The following PCDH15 variants were observed in gnomAD, a reference collection of about 807,000 sequenced individuals.
PCDH15 encodes the protein protocadherin related 15.
PCDH15 carries 129 observed loss-of-function variants against 178.5 expected under a neutral mutation model. The observed-to-expected ratio is 0.72, with a 90% CI of 0.63 to 0.84. The LOEUF (loss-of-function observed/expected upper bound fraction) is 0.84. PCDH15 is among the 40% of genes least tolerant of loss of function. PCDH15 has a pLI of 0.00. For synonymous variants in PCDH15, 800 were observed against 732.0 expected, an observed-to-expected ratio of 1.09 and a Z score of -1.50; for missense variants, 2,230 against 2,099.9, an observed-to-expected ratio of 1.06 and a Z score of -1.21.
At chr10:55,508,467 A>G (rs999059686) in intron 2 of PCDH15, among the ~76,000 whole-genome samples, 1 of 151,840 alleles carries the variant, frequency 6.6e-6, no homozygotes, top group Non-Finnish European at 1.5e-5. Context: ...CAGAGAAGAT[A>G]TTTCTAAATG....
At chr10:55,176,267 C>T (rs1281395238) in intron 1 of PCDH15, among the ~76,000 whole-genome samples, 1 of 152,082 alleles carries the variant, frequency 6.6e-6, no homozygotes, top group African/African-American at 2.4e-5. Context: ...TTGGGAAAAC[C>T]TCTTGTTTAC....
At chr10:55,340,034 C>A (rs1234379773) in intron 2 of PCDH15, among the ~76,000 whole-genome samples, 2 of 151,300 alleles carry the variant, frequency 1.3e-5, no homozygotes, top group Admixed American at 6.6e-5. Flanking sequence ...ACAAAAGTAA[C>A]TCTCATTAAT....
In PCDH15 at chr10:53,963,658, A is replaced by C. The variant is rs189179483; in HGVS notation, c.2869-1766T>G. Among the ~76,000 whole-genome samples, 7 of 152,158 alleles carry C rather than the reference A, an allele frequency of 4.6e-5. No homozygotes were observed. The East Asian group carries it at 1.4e-3, about 29-fold the overall frequency. ...CAAAACCAGAATGATTTCATCTCCC[A>C]AATTTATAACTCTTCTACTATAGAT... On this transcript the variant is annotated intron_variant, in intron 21 of 37. Transcript: ENST00000644397.
At chr10:54,774,825 C>A (rs1481414220) in intron 1 of PCDH15, among the ~76,000 whole-genome samples, 1 of 152,048 alleles carries the variant, frequency 6.6e-6, no homozygotes, top group Non-Finnish European at 1.5e-5. Flanking sequence ...ACTTTCAGTA[C>A]CTGACATTTA....
At chr10:54,056,857 A>G (rs2135699508) in intron 18 of PCDH15, among the ~76,000 whole-genome samples, 1 of 152,272 alleles carries the variant, frequency 6.6e-6, no homozygotes, top group Middle Eastern at 3.4e-3. Context: ...TCCTAGATAC[A>G]CTGGGGATAC....
At chr10:54,137,177 A>T (rs2042980205) in intron 14 of PCDH15, among the ~76,000 whole-genome samples, 3 of 152,056 alleles carry the variant, frequency 2.0e-5, no homozygotes, top group Non-Finnish European at 2.9e-5. Context: ...CAGTCACTAT[A>T]TAAATAACAC....
At chr10:54,808,832 G>A (rs2071392455) in intron 3 of PCDH15, among the ~76,000 whole-genome samples, 1 of 152,038 alleles carries the variant, frequency 6.6e-6, no homozygotes, top group South Asian at 2.1e-4. Flanking sequence ...ATGGAAACAG[G>A]TAGAAATATA....
rs186091680 is a variant in PCDH15, at chr10:54,381,679, A to T, written c.158-2737T>A. ...TGGTAACGAGACATATTTAATTATA[A>T]TAAAGGGATCAACAGGAATAATCCT... On this transcript the variant is annotated intron_variant, in intron 3 of 37. Coordinates refer to ENST00000644397, the MANE Select transcript of PCDH15 (RefSeq NM_001384140.1). Among the ~76,000 whole-genome samples the T allele has an allele frequency of 1.1e-3, 174 of 152,230 alleles. 1 individual carries two copies. Among genetic ancestry groups the T allele is most frequent in the African/African-American group, 2.0e-3 (82 of 41,556 alleles).
intron 1 of PCDH15, among the ~76,000 whole-genome samples, chr10:55,212,977 C>T (rs1840608070): frequency 2.0e-5 from 3 of 152,058 alleles, no homozygotes; most frequent in Admixed American, 2.0e-4. Context: ...AACAGCAGAG[C>T]TCAACATTAC....
intron 3 of PCDH15, among the ~76,000 whole-genome samples, chr10:54,465,534 C>T (rs188561617): frequency 6.2e-4 from 94 of 152,058 alleles, no homozygotes; most frequent in Admixed American, 7.9e-4. Flanking sequence ...AACATAATGA[C>T]CTCCATTTTA....
intron 2 of PCDH15, among the ~76,000 whole-genome samples, chr10:55,460,013 C>T (rs1332699629): frequency 6.6e-6 from 1 of 151,792 alleles, no homozygotes; most frequent in Non-Finnish European, 1.5e-5. Context: ...GAGCATGGAC[C>T]GTTGACAAGA....
chr10:55,428,110 T>C (rs1838799235), intron 2 of PCDH15, among the ~76,000 whole-genome samples: 1 of 152,012 alleles, frequency 6.6e-6, no homozygotes, highest in South Asian at 2.1e-4. Context: ...TCAGAGATAA[T>C]GTGTCTTTGA....
At chr10:54,441,842 G>A (rs2075807505) in intron 3 of PCDH15, among the ~76,000 whole-genome samples, 1 of 151,698 alleles carries the variant, frequency 6.6e-6, no homozygotes, top group Non-Finnish European at 1.5e-5. Flanking sequence ...GAAAGGCCGG[G>A]GGACCTAGAG....
intron 16 of PCDH15, among the ~76,000 whole-genome samples, chr10:54,087,591 T>C (rs370561013): frequency 7.2e-5 from 11 of 152,238 alleles, no homozygotes; most frequent in African/African-American, 2.4e-4. Context: ...TGTACCATTG[T>C]AAATAATTCT....
At chr10:55,335,575 A>G (rs1205781939) in intron 2 of PCDH15, among the ~76,000 whole-genome samples, 1 of 152,208 alleles carries the variant, frequency 6.6e-6, no homozygotes, top group African/African-American at 2.4e-5. Flanking sequence ...GTGGTAATTA[A>G]GAAAGTTTAA....
intron 8 of PCDH15, among the ~76,000 whole-genome samples, chr10:54,300,440 A>G (rs1411962946): frequency 6.6e-6 from 1 of 152,172 alleles, no homozygotes; most frequent in East Asian, 1.9e-4. Context: ...CTCAACTAAC[A>G]ACTTCTACCG....
intron 28 of PCDH15, among the ~76,000 whole-genome samples, chr10:53,851,671 AATATATATATATATATAT>A (rs71004485): frequency 0.02 from 2,071 of 104,530 alleles, 49 homozygotes; most frequent in African/African-American, 0.037. Flanking sequence ...TCCTCCTAGA[AATATATATATATATATAT>A]ATATATATAT....
At chr10:54,308,793 C>G (rs563590450) in intron 8 of PCDH15, among the ~76,000 whole-genome samples, 1 of 151,750 alleles carries the variant, frequency 6.6e-6, no homozygotes, top group Non-Finnish European at 1.5e-5. Context: ...ATTCCCCGAC[C>G]CCCAGACAGG....
At chr10:54,125,155 T>C (rs1384336923) in intron 15 of PCDH15, among the ~76,000 whole-genome samples, 1 of 152,216 alleles carries the variant, frequency 6.6e-6, no homozygotes, top group Non-Finnish European at 1.5e-5. Context: ...GTGTGGTTTT[T>C]TTTTTCCCTT....
Sources: allele counts gnomAD v4.1 joint callset (sites outside exome capture counted in the v4.1 genomes callset), GRCh38; gene constraint gnomAD v4.1.1; transcripts MANE v1.5; gene names NCBI Gene and HGNC (gene_info 2026-07-23, HGNC 2026-07-21).